PPL: variants seen among roughly 807,000 people sequenced by gnomAD.
PPL encodes the protein 190 kDa paraneoplastic pemphigus antigen.
Under a neutral mutation model 194.4 loss-of-function variants are expected in PPL, and 198 were observed. The ratio of observed to expected loss-of-function variants is 1.02; its 90% CI spans 0.91 to 1.15. PPL has a LOEUF of 1.15. PPL is among the 50% of genes most tolerant of loss of function. PPL has a pLI of 0.00. For missense variants in PPL, 2,885 were observed against 2,294.8 expected, an observed-to-expected ratio of 1.26 and a Z score of -5.25; for synonymous variants, 1,220 against 972.4, an observed-to-expected ratio of 1.25 and a Z score of -4.74.
intron 9 of PPL, among the ~76,000 whole-genome samples, 196 bp downstream of exon 9, chr16:4,897,479 A>T (rs1833913036): frequency 6.6e-6 from 1 of 152,082 alleles, no homozygotes; most frequent in South Asian, 2.1e-4. Context: ...TCCCCAGGGA[A>T]GTTGGACAGG....
At chr16:4,888,443 G>A (rs2088254274) in intron 19 of PPL, among the ~76,000 whole-genome samples, 1 of 152,170 alleles carries the variant, frequency 6.6e-6, no homozygotes, top group Non-Finnish European at 1.5e-5. Flanking sequence ...TAACATATGA[G>A]ACAAGAAGTG....
At chr16:4,917,715 A>G (rs2088953450) in intron 1 of PPL, among the ~76,000 whole-genome samples, 1 of 152,026 alleles carries the variant, frequency 6.6e-6, no homozygotes, top group African/African-American at 2.4e-5. Flanking sequence ...AGCCCGGGCA[A>G]CATGGTGAAA....
Position 4,889,229 on chromosome 16 carries a change from T to TTGTTG in PPL, c.2314-169_2314-168insCAACA, listed in dbSNP as rs1555519101. Among the ~76,000 whole-genome samples, 26 of 93,454 alleles carry TTGTTG rather than the reference T, an allele frequency of 2.8e-4. 2 individuals carry two copies. Among genetic ancestry groups the TTGTTG allele is most frequent in the East Asian group, 1.3e-3 (4 of 2,992 alleles). The allele number at this position is 93,454 out of a possible 152,430, so 61.3% of individuals were successfully genotyped here. A position where few individuals can be genotyped will look rare whatever the true frequency, so the allele number is the denominator to read the frequency against. Reference sequence around the variant, plus strand: ...TTTATTCATTGCAAAAGGCAGTTTTTTTGTTGTTGTTGTTTTTTTTTTTTT... The same window carrying TTGTTG: ...TTTATTCATTGCAAAAGGCAGTTTTTTGTTGTTGTTGTTGTTGTTTTTTTTTTTTT... On this transcript the variant is annotated intron_variant, in intron 18 of 21. Transcript: ENST00000345988.
chr16:4,934,237 A>G (rs1013047424), intron 1 of PPL, among the ~76,000 whole-genome samples: 24 of 151,670 alleles, frequency 1.6e-4, no homozygotes, highest in African/African-American at 5.6e-4. Flanking sequence ...CGGGGTTCAC[A>G]CCCTGTCCCG....
At position 4,903,265 on chromosome 16, in the gene PPL, C is replaced by T. The variant is rs148286359; in HGVS notation, c.317+621G>A. The stretch of plus-strand genomic sequence containing the variant: ...ATCCACGATAAAATGAACTGGGAGT[C>T]GTGAGCCAAGGAAGCCAGGGACAGG... On this transcript the variant is annotated intron_variant, in intron 3 of 21. Transcript: ENST00000345988. Among the ~76,000 whole-genome samples, 44 of 152,036 alleles carry T rather than the reference C, an allele frequency of 2.9e-4. 1 individual carries two copies. The East Asian group carries it at 8.4e-3, about 29-fold the overall frequency.
At chr16:4,887,851 C>A (rs1222629498) in intron 20 of PPL, among the ~76,000 whole-genome samples, 1 of 152,222 alleles carries the variant, frequency 6.6e-6, no homozygotes, top group Non-Finnish European at 1.5e-5. Context: ...CCACCTCGGC[C>A]TCCCAAAGTG....
rs1172508900 is a variant in PPL, at chr16:4,895,641, C to G, written c.1048G>C (p.Asp350His). ...DSDLNQKYGP[D>H]FKDRYQIELL... ...TCAATCTGGTACCGGTCCTTGAAGT[C>G]AGGGCCATACTTCTGGTTCAGGTCC... The change falls in exon 10 of 22, where the codon GAC becomes CAC. Residue 350 changes from aspartate (D) to histidine (H), a missense_variant. Asp to His is a moderately conservative substitution (Grantham distance 81, BLOSUM62 -1). Coordinates refer to ENST00000345988, the MANE Select transcript of PPL (RefSeq NM_002705.5). 1.9e-6 allele frequency: 3 copies of G among 1,613,984 alleles called. No individual in the cohort carries two copies. In the East Asian group the frequency reaches 6.7e-5, roughly 36 times the overall value.
chr16:4,900,434 C>CTT lies in PPL; in HGVS notation c.606+394_606+395dup, dbSNP rs1217002366. Among the ~76,000 whole-genome samples, 34 of 61,644 alleles carry CTT rather than the reference C, an allele frequency of 5.5e-4. 3 individuals are homozygous for CTT. Among genetic ancestry groups the CTT allele is most frequent in the East Asian group, 1.5e-3 (2 of 1,340 alleles). 40.4% of individuals were successfully genotyped at this position (61,644 alleles called of 152,430 possible). ...CCTGATTGAAACGTTTACTGCACGC[C>CTT]TTTTTTTTTTTTTTTTTTTTTTAAA... On this transcript the variant is annotated intron_variant, in intron 6 of 21. Coordinates refer to ENST00000345988, the MANE Select transcript of PPL (RefSeq NM_002705.5).
intron 2 of PPL, among the ~76,000 whole-genome samples, chr16:4,905,932 C>T (rs1596563397): frequency 6.6e-6 from 1 of 152,062 alleles, no homozygotes; most frequent in Admixed American, 6.5e-5. Flanking sequence ...TAGTGAGACC[C>T]CATTTATTAA....
At chr16:4,921,315 C>T (rs1454539536) in intron 1 of PPL, among the ~76,000 whole-genome samples, 1 of 152,220 alleles carries the variant, frequency 6.6e-6, no homozygotes, top group Non-Finnish European at 1.5e-5. Context: ...GGGTCTGAGC[C>T]CGCAGGCTTG....
rs760355054 is a variant in PPL, at chr16:4,890,876, C to T, written c.2014G>A (p.Val672Met). The T allele has an allele frequency of 6.5e-7, 1 of 1,548,174 alleles. No homozygotes were observed. The highest frequency in any genetic ancestry group is 8.7e-7 in the Non-Finnish European group (1 of 1,143,384). ...TTGGCCGCCTGCAAGTTCTGCTCCA[C>T]CTCACCCAGGAGGGACTTCTGGGCC... ...LQAQKSLLGE[V>M]EQNLQAAKQC... is the part of the protein sequence containing the mutation. Residue 672 changes from valine (V) to methionine (M), a missense_variant, in exon 17 of 22, where the codon GTG becomes ATG. Physicochemically the swap from Val to Met is conservative, Grantham distance 21 (BLOSUM62 1). Coordinates refer to ENST00000345988, the MANE Select transcript of PPL (RefSeq NM_002705.5).
At chr16:4,895,843 C>T in intron 9 of PPL, 127 bp from the exon 10 acceptor site, 1 of 1,336,854 alleles carries the variant, frequency 7.5e-7, no homozygotes, top group Non-Finnish European at 1.0e-6. Flanking sequence ...CAGCATGGGA[C>T]CCTGTGCTGA....
Position 4,890,225 on chromosome 16 carries a change from C to G in PPL, c.2272G>C (p.Asp758His), listed in dbSNP as rs1215251404. 6.2e-7 allele frequency: 1 copy of G among 1,614,072 alleles called. No individual in the cohort carries two copies. Among genetic ancestry groups the G allele is most frequent in the Non-Finnish European group, 8.5e-7 (1 of 1,180,038 alleles). ...SIPSYEPQET[D>H]SLSQMETKLK... ...TTGGTCTCCATCTGGCTGAGGCTGT[C>G]TGTCTCCTGGGGCTCGTAACTGGGG... The change falls in exon 18 of 22, where the codon GAC becomes CAC. Residue 758 changes from aspartate (D) to histidine (H), a missense_variant. By Grantham distance (81) the Asp-to-His change is moderately conservative. Transcript: ENST00000345988.
In PPL at chr16:4,890,888, G is replaced by C. The variant is rs1432197444; in HGVS notation, c.2002C>G (p.Leu668Val). 1 of 1,540,476 alleles carries C rather than the reference G, an allele frequency of 6.5e-7. No individual in the cohort carries two copies. The highest frequency in any genetic ancestry group is 2.5e-5 in the East Asian group (1 of 40,620). ...MACELQAQKS[L>V]LGEVEQNLQA... ...AAGTTCTGCTCCACCTCACCCAGGA[G>C]GGACTTCTGGGCCTGTAACTCACAG... Residue 668 changes from leucine to valine, a missense_variant, in exon 17 of 22, where the codon CTC becomes GTC. By Grantham distance (32) the Leu-to-Val change is conservative. Coordinates refer to ENST00000345988, the MANE Select transcript of PPL (RefSeq NM_002705.5).
At chr16:4,887,414 G>T (rs933966411) in intron 20 of PPL, among the ~76,000 whole-genome samples, 187 bp from the exon 21 acceptor site, 13 of 152,108 alleles carry the variant, frequency 8.5e-5, no homozygotes, top group African/African-American at 3.1e-4. Flanking sequence ...GGATCTCGAG[G>T]CAGAAGATCC....
intron 12 of PPL, 133 bp downstream of exon 12, chr16:4,894,334 G>T: frequency 9.0e-7 from 1 of 1,114,636 alleles, no homozygotes; most frequent in East Asian, 2.6e-5. Flanking sequence ...ACTTCCAAGG[G>T]GGTGCAGATG....
At chr16:4,920,162 T>C (rs1347934754) in intron 1 of PPL, among the ~76,000 whole-genome samples, 3 of 151,764 alleles carry the variant, frequency 2.0e-5, no homozygotes. Flanking sequence ...CACACACCTG[T>C]AGTCCCAGCT....
chr16:4,930,217 G>A (rs368704131), intron 1 of PPL, among the ~76,000 whole-genome samples: 6 of 152,144 alleles, frequency 3.9e-5, no homozygotes, highest in East Asian at 1.9e-4. Flanking sequence ...CGGGTTCGGC[G>A]TGGAGGACCT....
Position 4,884,035 on chromosome 16 carries a change from C to T in PPL, c.4620G>A (p.Leu1540=), listed in dbSNP as rs746776688. Residue 1540 remains leucine, a synonymous_variant, in exon 22 of 22, where the codon CTG becomes CTA. Transcript: ENST00000345988. The surrounding 1 kb of genome is among the most constrained non-coding windows in gnomAD (Gnocchi z 5.7). ...ATTCCAGCTCCGAAAGCCTGGCTTC[C>T]AGCCGGCTCACCTCGACGTCCAGCT... The part of the protein sequence containing the change: ...KRELDVEVSR[L]EARLSELEFH... 1.9e-6 allele frequency: 3 copies of T among 1,613,670 alleles called. No homozygotes were observed. The highest frequency in any genetic ancestry group is 4.5e-5 in the East Asian group (2 of 44,862).
Sources: gnomAD v4.1 joint callset for allele counts (sites outside exome capture counted in the v4.1 genomes callset) on GRCh38, gnomAD v4.1.1 for gene constraint, Gnocchi (gnomAD v3.1) non-coding constraint, MANE v1.5 for transcripts, NCBI Gene and HGNC (gene_info 2026-07-23, HGNC 2026-07-21) for gene names.